ZNF33B: variants seen among roughly 807,000 people sequenced by gnomAD.
ZNF33B encodes the protein zinc finger protein 11b (KOX 2).
A neutral mutation model predicts 45.8 loss-of-function variants in ZNF33B; 29 were observed. The ratio of observed to expected loss-of-function variants is 0.63; its 90% CI spans 0.47 to 0.86. ZNF33B has a LOEUF of 0.86. Among genes scored for constraint, ZNF33B ranks in the 40% least tolerant of loss-of-function variants. The pLI, the probability that ZNF33B is intolerant of heterozygous loss-of-function variation, is 0.00. For missense variants in ZNF33B, 831 were observed against 909.9 expected (o/e 0.91, Z 1.12); for synonymous variants, 305 against 307.8 (o/e 0.99, Z 0.10).
chr10:42,594,434 T>C lies in ZNF33B; in HGVS notation c.516A>G (p.Ala172=), dbSNP rs779830126. ...TAATATTGAGTAACAATTTCCCACA[T>C]GCATTAAATTCGTCAGACTTTTTTC... ...YLGKKSDEFN[A]CGKLLLNIKH... The change falls in exon 5 of 5, where the codon GCA becomes GCG. Residue 172 remains alanine (A), a synonymous_variant. Coordinates refer to ENST00000359467, the MANE Select transcript of ZNF33B (RefSeq NM_006955.3). 8.1e-6 allele frequency: 13 copies of C among 1,613,558 alleles called. No homozygotes were observed. In the African/African-American group the frequency reaches 1.3e-4, roughly 17 times the overall value.
intron 3 of ZNF33B, 87 bp downstream of exon 3, chr10:42,632,208 A>C: frequency 2.6e-6 from 4 of 1,544,396 alleles, no homozygotes; most frequent in Non-Finnish European, 3.5e-6. Context: ...AGCCTAAATA[A>C]TGTCATTAAA....
intron 2 of ZNF33B, among the ~76,000 whole-genome samples, chr10:42,633,785 T>C (rs1839161394): frequency 6.6e-6 from 1 of 152,058 alleles, no homozygotes; most frequent in South Asian, 2.1e-4. Flanking sequence ...CTGACCAAAA[T>C]GGTGAAACCT....
rs117746280 is a variant in ZNF33B, at chr10:42,579,152, A to G, written c.74-4474T>C. 5.1e-3 allele frequency among the ~76,000 whole-genome samples: 783 copies of G among 152,232 alleles called. 24 individuals are homozygous for G. The South Asian group carries it at 0.069, about 13-fold the overall frequency. On this transcript the variant is annotated intron_variant, in intron 1 of 1. Coordinates refer to the ZNF33B transcript ENST00000462075. ...CTCCTACCACATCATGGTTCATCCT[A>G]ATGACCACCCTTTGAAGATAACACC...
chr10:42,605,885 C>T (rs1449402451), intron 4 of ZNF33B, among the ~76,000 whole-genome samples: 2 of 152,030 alleles, frequency 1.3e-5, no homozygotes, highest in African/African-American at 4.8e-5. Context: ...CACTTAAACC[C>T]AGGAGTTCAA....
intron 4 of ZNF33B, among the ~76,000 whole-genome samples, chr10:42,614,558 A>T (rs1286682629): frequency 6.6e-6 from 1 of 152,244 alleles, no homozygotes; most frequent in Non-Finnish European, 1.5e-5. Flanking sequence ...GTTAATGGCA[A>T]TTCTCTCTAC....
intron 2 of ZNF33B, among the ~76,000 whole-genome samples, chr10:42,633,116 TTTAA>T (rs1839131275): frequency 6.6e-6 from 1 of 152,262 alleles, no homozygotes; most frequent in African/African-American, 2.4e-5. Flanking sequence ...TGAATTCTAA[TTTAA>T]TTCTCATTTA....
chr10:42,615,409 T>C (rs1186543209), intron 4 of ZNF33B, among the ~76,000 whole-genome samples: 1 of 152,216 alleles, frequency 6.6e-6, no homozygotes, highest in Admixed American at 6.5e-5. Flanking sequence ...GAAATATTGA[T>C]ACATGCTACA....
chr10:42,592,585 T>C lies in ZNF33B; in HGVS notation c.*28A>G, dbSNP rs1837176240. Reference sequence around the variant, plus strand: ...ACTCTGAGGCATTATGGAGGCTGACTTGTGGCTGGAAATTTCTAATATCCA... The same window carrying C: ...ACTCTGAGGCATTATGGAGGCTGACCTGTGGCTGGAAATTTCTAATATCCA... On this transcript the variant is annotated 3_prime_UTR_variant, in exon 5 of 5. Coordinates refer to ENST00000359467, the MANE Select transcript of ZNF33B (RefSeq NM_006955.3). 2 of 1,596,972 alleles carry C rather than the reference T, an allele frequency of 1.3e-6. No homozygotes were observed. Among genetic ancestry groups the C allele is most frequent in the Non-Finnish European group, 1.7e-6 (2 of 1,171,414 alleles).
chr10:42,594,306 A>G lies in ZNF33B; in HGVS notation c.644T>C (p.Leu215Ser), dbSNP rs1010014052. 4 of 1,613,786 alleles carry G rather than the reference A, an allele frequency of 2.5e-6. No individual in the cohort carries two copies. In the African/African-American group the frequency reaches 5.3e-5, roughly 22 times the overall value. Residue 215 changes from leucine (L) to serine (S), a missense_variant, in exon 5 of 5, where the codon TTA becomes TCA. Coordinates refer to ENST00000359467, the MANE Select transcript of ZNF33B (RefSeq NM_006955.3). ...TATACTGTATTCAAAATTGTGGTCTAAAGTTTGAATCTTCTCATGCTGCAA... is the reference window on the plus strand; with the variant it reads ...TATACTGTATTCAAAATTGTGGTCTGAAGTTTGAATCTTCTCATGCTGCAA... Reference protein sequence around the residue: ...NTLQHEKIQTLDHNFEYSICQ... With the variant: ...NTLQHEKIQTSDHNFEYSICQ...
intron 1 of ZNF33B, among the ~76,000 whole-genome samples, chr10:42,637,547 T>C (rs1049749601): frequency 7.9e-5 from 12 of 152,346 alleles, no homozygotes; most frequent in African/African-American, 2.6e-4. Flanking sequence ...GACTTTTAGT[T>C]CTCCCTACTA....
intron 1 of ZNF33B, among the ~76,000 whole-genome samples, chr10:42,575,459 A>G (rs1226918636): frequency 6.6e-6 from 1 of 152,082 alleles, no homozygotes; most frequent in African/African-American, 2.4e-5. Flanking sequence ...GAACTGAGAC[A>G]TTTCTGTTTT....
At chr10:42,580,293 T>A (rs1836805803) in intron 1 of ZNF33B, among the ~76,000 whole-genome samples, 1 of 152,120 alleles carries the variant, frequency 6.6e-6, no homozygotes, top group Admixed American at 6.5e-5. Context: ...CAGGCTGGAG[T>A]GCAGTGATGC....
intron 2 of ZNF33B, among the ~76,000 whole-genome samples, chr10:42,632,696 A>G (rs1031273272): frequency 6.6e-6 from 1 of 152,226 alleles, no homozygotes; most frequent in Non-Finnish European, 1.5e-5. Context: ...AAGAACACAC[A>G]GAGTGGTAAG....
intron 1 of ZNF33B, chr10:42,578,864 G>A (rs1301728006): frequency 1.3e-5 from 2 of 152,184 alleles, no homozygotes; most frequent in East Asian, 3.8e-4. Context: ...GAAAATGTCT[G>A]GTGTCATAAA....
At chr10:42,628,434 T>G (rs1321391246) in intron 4 of ZNF33B, among the ~76,000 whole-genome samples, 1 of 152,298 alleles carries the variant, frequency 6.6e-6, no homozygotes, top group African/African-American at 2.4e-5. Flanking sequence ...AAGAGGGAAG[T>G]GATGAATTTT....
At chr10:42,630,227 T>C (rs1838989195) in intron 4 of ZNF33B, among the ~76,000 whole-genome samples, 2 of 152,202 alleles carry the variant, frequency 1.3e-5, no homozygotes, top group Non-Finnish European at 2.9e-5. Context: ...CCTTTATTCA[T>C]GAATATAGTT....
chr10:42,602,059 C>T (rs1837651965), intron 4 of ZNF33B, among the ~76,000 whole-genome samples: 2 of 151,756 alleles, frequency 1.3e-5, no homozygotes, highest in Admixed American at 1.3e-4. Context: ...GCTAGGACAA[C>T]AGGCATGCAC....
chr10:42,576,454 G>A (rs990312585), intron 1 of ZNF33B, among the ~76,000 whole-genome samples: 21 of 152,210 alleles, frequency 1.4e-4, no homozygotes, highest in African/African-American at 4.8e-4. Flanking sequence ...GGTGCAACAT[G>A]CCTGGCATCT....
intron 4 of ZNF33B, among the ~76,000 whole-genome samples, chr10:42,620,217 GA>G (rs35650961): frequency 0.18 from 18,190 of 100,176 alleles, 2,547 homozygotes; most frequent in African/African-American, 0.44. Context: ...CTTTGGTCTT[GA>G]AAAAAAAAAA....
Sources: allele counts gnomAD v4.1 joint callset (sites outside exome capture counted in the v4.1 genomes callset), GRCh38; gene constraint gnomAD v4.1.1; transcripts MANE v1.5; gene names NCBI Gene and HGNC (gene_info 2026-07-23, HGNC 2026-07-21).